LETM1: variants seen among roughly 807,000 people sequenced by gnomAD.
LETM1 encodes leucine zipper and EF-hand containing transmembrane protein 1, also known as mitochondrial proton/calcium exchanger protein.
LETM1 carries 50 observed loss-of-function variants against 74.5 expected under a neutral mutation model. The ratio of observed to expected loss-of-function variants is 0.67; its 90% confidence interval spans 0.53 to 0.85. LETM1 has a LOEUF of 0.85. Ranked by LOEUF, LETM1 falls within the 40% of genes least tolerant of loss-of-function variation. The pLI is 0.00. For missense variants in LETM1, 824 were observed against 967.8 expected (o/e 0.85, Z 1.97); for synonymous variants, 446 against 407.1 (o/e 1.10, Z -1.15).
chr4:1,831,336 G>A (rs1560490950), intron 6 of LETM1, among the ~76,000 whole-genome samples: 2 of 152,212 alleles, frequency 1.3e-5, no homozygotes, highest in African/African-American at 2.4e-5. Flanking sequence ...GCGGGACAGC[G>A]GTGCTGCTTG....
At chr4:1,840,436 G>A (rs1712646690) in intron 3 of LETM1, among the ~76,000 whole-genome samples, 1 of 152,018 alleles carries the variant, frequency 6.6e-6, no homozygotes. Flanking sequence ...GGGAGGCCGA[G>A]GTGGGCAGAT....
At chr4:1,853,463 G>T (rs1713137649) in intron 1 of LETM1, among the ~76,000 whole-genome samples, 1 of 152,180 alleles carries the variant, frequency 6.6e-6, no homozygotes, top group South Asian at 2.1e-4. Flanking sequence ...TCACCTCTGT[G>T]GTCTTCCTCC....
intron 1 of LETM1, 68 bp downstream of exon 1, chr4:1,855,801 C>T: frequency 2.1e-6 from 2 of 971,796 alleles, no homozygotes; most frequent in Non-Finnish European, 1.3e-6. Flanking sequence ...AGCCCGAACC[C>T]GCGGGTCGTC....
chr4:1,831,515 C>T (rs890077326), intron 6 of LETM1, among the ~76,000 whole-genome samples: 2 of 152,246 alleles, frequency 1.3e-5, no homozygotes, highest in African/African-American at 4.8e-5. Flanking sequence ...TCCGCTGGGC[C>T]CCCAAGGCCA....
chr4:1,854,870 T>C (rs921363719), intron 1 of LETM1, among the ~76,000 whole-genome samples: 1 of 151,766 alleles, frequency 6.6e-6, no homozygotes, highest in Non-Finnish European at 1.5e-5. Flanking sequence ...TCTATCTCTT[T>C]GGGGGTGGGG....
At chr4:1,822,478 C>A in intron 9 of LETM1, 166 bp from the exon 10 acceptor site, 4 of 718,686 alleles carry the variant, frequency 5.6e-6, no homozygotes, top group Non-Finnish European at 5.9e-6. Flanking sequence ...CTCCATGCAG[C>A]TGCCAGGTCA....
At chr4:1,846,163 A>G (rs761644341) in intron 2 of LETM1, among the ~76,000 whole-genome samples, 1 of 151,796 alleles carries the variant, frequency 6.6e-6, no homozygotes, top group Non-Finnish European at 1.5e-5. Context: ...GGCCTCATCC[A>G]TAATTCTTGA....
At chr4:1,845,616 G>A (rs1391188550) in intron 2 of LETM1, among the ~76,000 whole-genome samples, 1 of 142,252 alleles carries the variant, frequency 7.0e-6, no homozygotes, top group Non-Finnish European at 1.5e-5. Flanking sequence ...GGCACAATCT[G>A]GGCTCACTGC....
intron 6 of LETM1, among the ~76,000 whole-genome samples, chr4:1,827,103 G>A (rs1255681346): frequency 6.6e-6 from 1 of 152,158 alleles, no homozygotes; most frequent in African/African-American, 2.4e-5. Flanking sequence ...TCTTCCTGCT[G>A]CGCCGAGGTA....
chr4:1,832,894 T>A lies in LETM1; in HGVS notation c.930A>T (p.Lys310Asn), dbSNP rs1712326499. The A allele has an allele frequency of 6.2e-7, 1 of 1,613,170 alleles. No individual in the cohort carries two copies. The change falls in exon 6 of 14, where the codon AAA becomes AAT. Residue 310 changes from lysine to asparagine, a missense_variant. By Grantham distance (94) the Lys-to-Asn change is moderately conservative. Coordinates refer to ENST00000302787, the MANE Select transcript of LETM1 (RefSeq NM_012318.3). ...PSNEEIMRFS[K>N]LFEDELTLDN... ...CCAGGGTCAGCTCATCCTCAAATAA[T>A]TTGGAAAAACGCATGATTTCCTCAT...
At chr4:1,824,886 C>T (rs761246593) in intron 7 of LETM1, among the ~76,000 whole-genome samples, 10 of 152,338 alleles carry the variant, frequency 6.6e-5, no homozygotes, top group Non-Finnish European at 1.0e-4. Flanking sequence ...CACAGGATCA[C>T]GCCATAAATA....
Position 1,814,575 on chromosome 4 carries a change from T to C in LETM1, c.2071-2A>G, listed in dbSNP as rs1722554903. ...TTCTTTGTCCACCAGCTCAATCACC[T>C]ACACACGTGGGAAAGGGAGAGGCTC... On this transcript the variant is annotated splice_acceptor_variant, in intron 13 of 13. Coordinates refer to ENST00000302787, the MANE Select transcript of LETM1 (RefSeq NM_012318.3). LOFTEE classifies it high-confidence loss of function. 1 of 1,612,724 alleles carries C rather than the reference T, an allele frequency of 6.2e-7. No homozygotes were observed. Among genetic ancestry groups the C allele is most frequent in the Non-Finnish European group, 8.5e-7 (1 of 1,179,214 alleles).
At chr4:1,829,290 G>A (rs1331292003) in intron 6 of LETM1, among the ~76,000 whole-genome samples, 1 of 144,112 alleles carries the variant, frequency 6.9e-6, no homozygotes, top group Admixed American at 6.8e-5. Context: ...CCCAGTAGGG[G>A]CGGCCGGGCA....
At chr4:1,830,731 CT>C (rs1435549216) in intron 6 of LETM1, among the ~76,000 whole-genome samples, 1 of 152,128 alleles carries the variant, frequency 6.6e-6, no homozygotes, top group African/African-American at 2.4e-5. Flanking sequence ...TCTGTTGTGG[CT>C]TTTGGAGCTC....
rs944519775 is a variant in LETM1, at chr4:1,814,218, C to T, written c.*206G>A. 13 of 832,564 alleles carry T rather than the reference C, an allele frequency of 1.6e-5. No individual in the cohort carries two copies. Among genetic ancestry groups the T allele is most frequent in the African/African-American group, 1.5e-4 (9 of 58,584 alleles). 51.6% of individuals were successfully genotyped at this position (832,564 alleles called of 1,614,324 possible). Reference sequence around the variant, plus strand: ...CCACACCACAGTGTGGATCCAGACACGATTCTGTGGAGGGGTTCCGGGATT... The same window carrying T: ...CCACACCACAGTGTGGATCCAGACATGATTCTGTGGAGGGGTTCCGGGATT... On this transcript the variant is annotated 3_prime_UTR_variant, in exon 14 of 14. Coordinates refer to ENST00000302787, the MANE Select transcript of LETM1 (RefSeq NM_012318.3).
Position 1,856,103 on chromosome 4 carries a change from G to C in LETM1, c.-153C>G, listed in dbSNP as rs1713234800. ...TCGGACGGGAGGCGCTCTCCTCAAGGACCCGGCACCAGCGGCGGCCTTGTC... is the reference window on the plus strand; with the variant it reads ...TCGGACGGGAGGCGCTCTCCTCAAGCACCCGGCACCAGCGGCGGCCTTGTC... On this transcript the variant is annotated 5_prime_UTR_variant, in exon 1 of 14. Coordinates refer to ENST00000302787, the MANE Select transcript of LETM1 (RefSeq NM_012318.3). The C allele has an allele frequency of 2.6e-6, 1 of 384,634 alleles. No homozygotes were observed. Among genetic ancestry groups the C allele is most frequent in the Non-Finnish European group, 4.4e-6 (1 of 229,798 alleles). The allele number at this position is 384,634 out of a possible 1,614,324, so 23.8% of individuals were successfully genotyped here.
At position 1,822,635 on chromosome 4, in the gene LETM1, C is replaced by T. The variant is rs536792628; in HGVS notation, c.1477-323G>A. ...TGTGACCCAAGAGGACCACAGGGCC[C>T]GCGTTGAAGAGGAGCCCAGAGGCTG... is the stretch of plus-strand genomic sequence containing the variant. On this transcript the variant is annotated intron_variant, in intron 9 of 13. Coordinates refer to ENST00000302787, the MANE Select transcript of LETM1 (RefSeq NM_012318.3). 51 of 348,732 alleles carry T rather than the reference C, an allele frequency of 1.5e-4. 1 individual carries two copies. The highest frequency in any genetic ancestry group is 3.0e-4 in the South Asian group (2 of 6,760). The allele number at this position is 348,732 out of a possible 1,614,324, so 21.6% of individuals were successfully genotyped here.
rs770911648 is a variant in LETM1 at position 1,822,265 on chromosome 4, C to T, written c.1524G>A (p.Gly508=). The T allele has an allele frequency of 6.5e-7, 1 of 1,541,662 alleles. No homozygotes were observed. Among genetic ancestry groups the T allele is most frequent in the Non-Finnish European group, 8.8e-7 (1 of 1,136,790 alleles). ...CAGGCATTTCTGGCTGTGGCTCGGT[C>T]CCCGGCCTTTGGGGAGCAGCTACCA... is the stretch of plus-strand genomic sequence containing the variant. The part of the protein sequence containing the change: ...ERVVAAPQRP[G]TEPQPEMPDT... The change falls in exon 10 of 14, where the codon GGG becomes GGA. Residue 508 remains glycine (G), a synonymous_variant. Transcript: ENST00000302787.
chr4:1,849,557 C>T (rs552275840), intron 1 of LETM1, among the ~76,000 whole-genome samples: 1 of 152,158 alleles, frequency 6.6e-6, no homozygotes, highest in African/African-American at 2.4e-5. Context: ...CATGAGCCAC[C>T]GTGCTCAGCC....
Sources: allele counts gnomAD v4.1 joint callset (sites outside exome capture counted in the v4.1 genomes callset), GRCh38; gene constraint gnomAD v4.1.1; transcripts MANE v1.5; gene names NCBI Gene and HGNC (gene_info 2026-07-23, HGNC 2026-07-21).